CWC25: variants seen among roughly 807,000 people sequenced by gnomAD.
The protein encoded by CWC25 is CWC25 spliceosome associated protein, also known as pre-mRNA-splicing factor CWC25 homolog.
Under a neutral mutation model 54.6 loss-of-function variants are expected in CWC25, and 31 were observed. The ratio of observed to expected loss-of-function variants is 0.57; its 90% CI spans 0.43 to 0.77. The LOEUF is 0.77. CWC25 is among the 30% of genes least tolerant of loss of function. The pLI, the probability that CWC25 is intolerant of heterozygous loss-of-function variation, is 0.00. For synonymous variants in CWC25, 151 were observed against 187.0 expected, an observed-to-expected ratio of 0.81 and a Z score of 1.57; for missense variants, 453 against 529.3, an observed-to-expected ratio of 0.86 and a Z score of 1.41.
rs763051257 is a variant in CWC25, at chr17:38,825,121, C to T, written c.18+45G>A. ...TCTACCCCCACCCCCTGCCAATTTC[C>T]GTCCCGGCCTCAGTCCTCCCCCGCC... On this transcript the variant is annotated intron_variant, in intron 1 of 9. Transcript: ENST00000614790. 8.9e-6 allele frequency: 13 copies of T among 1,468,398 alleles called. No individual in the cohort carries two copies. The South Asian group carries it at 1.1e-4, about 12-fold the overall frequency. 91.0% of individuals were successfully genotyped at this position (1,468,398 alleles called of 1,614,324 possible).
chr17:38,809,207 C>T (rs1911380996), intron 6 of CWC25, among the ~76,000 whole-genome samples: 1 of 151,780 alleles, frequency 6.6e-6, no homozygotes, highest in Non-Finnish European at 1.5e-5. Flanking sequence ...GCGGAGGGAT[C>T]ACCTGAGGTC....
At chr17:38,821,106 C>CG (rs768922941) in intron 1 of CWC25, 33 bp from the exon 2 acceptor site, 3 of 1,595,246 alleles carry the variant, frequency 1.9e-6, no homozygotes, top group Admixed American at 1.7e-5. Flanking sequence ...GATGATAATT[C>CG]GGGGGGTGAC....
intron 2 of CWC25, among the ~76,000 whole-genome samples, chr17:38,820,678 C>T (rs149769678): frequency 2.0e-5 from 3 of 152,278 alleles, no homozygotes; most frequent in East Asian, 3.9e-4. Flanking sequence ...CTTAAGAAGG[C>T]GTTGGGTATT....
In CWC25 at chr17:38,800,684, G is replaced by A. The variant is rs994224668; in HGVS notation, c.*1408C>T. On this transcript the variant is annotated 3_prime_UTR_variant, in exon 10 of 10. Coordinates refer to ENST00000614790, the MANE Select transcript of CWC25 (RefSeq NM_017748.5). Reference sequence around the variant, plus strand: ...ATCGCCCAGCTAATGTGCGGGTCAAGAGGGCCTAGGAGTTCACTGGTCAAA... The same window carrying A: ...ATCGCCCAGCTAATGTGCGGGTCAAAAGGGCCTAGGAGTTCACTGGTCAAA... The A allele has an allele frequency of 2.0e-5, 3 of 152,258 alleles. No homozygotes were observed. Among genetic ancestry groups the A allele is most frequent in the African/African-American group, 7.2e-5 (3 of 41,464 alleles). The allele number at this position is 152,258 out of a possible 1,614,324, so 9.4% of individuals were successfully genotyped here.
chr17:38,818,230 C>A (rs999472017), intron 2 of CWC25, among the ~76,000 whole-genome samples: 1 of 149,786 alleles, frequency 6.7e-6, no homozygotes, highest in South Asian at 2.1e-4. Context: ...GAGCCAAGAT[C>A]GCACCACTGC....
At chr17:38,820,808 T>TA in intron 2 of CWC25, 93 bp downstream of exon 2, 1 of 1,423,056 alleles carries the variant, frequency 7.0e-7, no homozygotes, top group Non-Finnish European at 9.5e-7. Context: ...CCCATGCCCT[T>TA]AAGCACTCAG....
intron 8 of CWC25, 114 bp downstream of exon 8, chr17:38,806,179 GATAA>G: frequency 1.2e-6 from 1 of 860,122 alleles, no homozygotes; most frequent in Non-Finnish European, 1.9e-6. Context: ...AGGTTGGCAA[GATAA>G]ATAAAAGTTG....
chr17:38,805,120 AAAAAATTAGCTGGGCGTGAC>A (rs1164074915), intron 8 of CWC25, among the ~76,000 whole-genome samples: 1 of 148,398 alleles, frequency 6.7e-6, no homozygotes, highest in African/African-American at 2.5e-5. Context: ...AAAAAAAAAA[AAAAAATTAGCTGGGCGTGAC>A]AACATGTGCC....
intron 1 of CWC25, among the ~76,000 whole-genome samples, chr17:38,822,651 G>C (rs1325308425): frequency 1.3e-5 from 2 of 152,286 alleles, no homozygotes; most frequent in Non-Finnish European, 2.9e-5. Flanking sequence ...GAGGGGGGTA[G>C]ATTTCCAAAC....
chr17:38,823,381 A>G (rs1452547025), intron 1 of CWC25, among the ~76,000 whole-genome samples: 2 of 150,600 alleles, frequency 1.3e-5, no homozygotes, highest in African/African-American at 2.4e-5. Context: ...GCTGGTCTCA[A>G]ATCCTGACCT....
chr17:38,822,749 T>C (rs943845982), intron 1 of CWC25, among the ~76,000 whole-genome samples: 10 of 151,640 alleles, frequency 6.6e-5, no homozygotes, highest in Non-Finnish European at 1.5e-4. Context: ...GGCAAGCTGA[T>C]GGTGCAGGGA....
chr17:38,821,591 G>C (rs1911926562), intron 1 of CWC25, among the ~76,000 whole-genome samples: 1 of 152,066 alleles, frequency 6.6e-6, no homozygotes, highest in Non-Finnish European at 1.5e-5. Context: ...GAAAGCTTCA[G>C]GATAGAACGG....
chr17:38,810,188 G>C, intron 5 of CWC25: 1 of 463,438 alleles, frequency 2.2e-6, no homozygotes, highest in Non-Finnish European at 3.8e-6. Flanking sequence ...GTCACCCCCA[G>C]GATGTCTGAC....
intron 8 of CWC25, 118 bp downstream of exon 8, chr17:38,806,179 G>C: frequency 1.2e-6 from 1 of 860,122 alleles, no homozygotes; most frequent in South Asian, 1.6e-5. Context: ...AGGTTGGCAA[G>C]ATAAATAAAA....
rs1261700426 is a variant in CWC25, at chr17:38,800,797, T to G, written c.*1295A>C. 1 of 152,158 alleles carries G rather than the reference T, an allele frequency of 6.6e-6. No homozygotes were observed. Among genetic ancestry groups the G allele is most frequent in the Admixed American group, 6.6e-5 (1 of 15,254 alleles). The allele number at this position is 152,158 out of a possible 1,614,324, so 9.4% of individuals were successfully genotyped here. On this transcript the variant is annotated 3_prime_UTR_variant, in exon 10 of 10. Coordinates refer to ENST00000614790, the MANE Select transcript of CWC25 (RefSeq NM_017748.5). ...GAGGGTTTTGTTTTGTTGCTGTTGT[T>G]TTTTGAGACGGAATCTCGCTCTGTC...
intron 2 of CWC25, among the ~76,000 whole-genome samples, chr17:38,817,638 T>G (rs1911755014): frequency 6.7e-6 from 1 of 150,214 alleles, no homozygotes. Context: ...AATACAAAAA[T>G]TAGCTGGACC....
chr17:38,819,072 G>A lies in CWC25; in HGVS notation c.191+1829C>T, dbSNP rs557000228. Among the ~76,000 whole-genome samples, 15 of 152,140 alleles carry A rather than the reference G, an allele frequency of 9.9e-5. No homozygotes were observed. In the East Asian group the frequency reaches 1.3e-3, roughly 14 times the overall value. On this transcript the variant is annotated intron_variant, in intron 2 of 9. Coordinates refer to ENST00000614790, the MANE Select transcript of CWC25 (RefSeq NM_017748.5). ...AGAGTCTCACTCTGTCACCCAGGCCGAAGTCAGTGGCAAAATCATAGCTCA... is the reference window on the plus strand; with the variant it reads ...AGAGTCTCACTCTGTCACCCAGGCCAAAGTCAGTGGCAAAATCATAGCTCA...
At position 38,807,322 on chromosome 17, in the gene CWC25, C is replaced by CA. The variant is rs57710053; in HGVS notation, c.691-347dup. On this transcript the variant is annotated intron_variant, in intron 6 of 9. Transcript: ENST00000614790. Reference sequence around the variant, plus strand: ...TGGATGACAGAGCGAGACTCCGTCTCAAAAAAAAAAAAAAAAAAAAGAAAA... The same window carrying CA: ...TGGATGACAGAGCGAGACTCCGTCTCAAAAAAAAAAAAAAAAAAAAAGAAAA... Among the ~76,000 whole-genome samples the CA allele has an allele frequency of 1.5e-3, 85 of 56,466 alleles. 2 individuals are homozygous for CA. The highest frequency in any genetic ancestry group is 3.6e-3 in the African/African-American group (57 of 15,670). The allele number at this position is 56,466 out of a possible 152,430, so 37.0% of individuals were successfully genotyped here. A position where few individuals can be genotyped will look rare whatever the true frequency, so the allele number is the denominator to read the frequency against.
At chr17:38,812,926 C>T (rs1911549793) in intron 3 of CWC25, 62 bp from the exon 4 acceptor site, 1 of 934,248 alleles carries the variant, frequency 1.1e-6, no homozygotes, top group East Asian at 2.6e-5. Context: ...ATGGAGTAAC[C>T]TTTTCTCCAA....
Sources: gnomAD v4.1 joint callset for allele counts (sites outside exome capture counted in the v4.1 genomes callset) on GRCh38, gnomAD v4.1.1 for gene constraint, MANE v1.5 for transcripts, NCBI Gene and HGNC (gene_info 2026-07-23, HGNC 2026-07-21) for gene names.